Variants in ANKRD30B observed in about 807,000 individuals in gnomAD.
ANKRD30B encodes ankyrin repeat domain 30B, also known as ankyrin repeat domain-containing protein 30B.
A neutral mutation model predicts 202.2 loss-of-function variants in ANKRD30B; 144 were observed. That is an observed-to-expected ratio of 0.71 (90% confidence interval 0.62 to 0.82). ANKRD30B has a LOEUF of 0.82. Ranked by LOEUF, ANKRD30B falls within the 40% of genes least tolerant of loss-of-function variation. ANKRD30B has a pLI of 0.00. For synonymous variants in ANKRD30B, 508 were observed against 561.3 expected (o/e 0.91, Z 1.34); for missense variants, 1,487 against 1,669.1 (o/e 0.89, Z 1.90).
At chr18:14,916,536 C>A in the ANKRD30B span, among the ~76,000 whole-genome samples, 1 of 152,164 alleles carries the variant, frequency 6.6e-6, no homozygotes, top group Non-Finnish European at 1.5e-5. Flanking sequence ...CTCTCTAACC[C>A]TGTATTCCCC....
At chr18:14,879,733 T>C in the ANKRD30B span, among the ~76,000 whole-genome samples, 3 of 146,832 alleles carry the variant, frequency 2.0e-5, no homozygotes, top group African/African-American at 7.6e-5. Context: ...GGGTTAAGGG[T>C]CCAGGGTTAG....
chr18:14,847,092 A>ATGTG (rs1555672681), intron 39 of ANKRD30B, among the ~76,000 whole-genome samples: 1 of 98,670 alleles, frequency 1.0e-5, no homozygotes, highest in African/African-American at 3.8e-5. Flanking sequence ...ATATATATAT[A>ATGTG]TGTATAATGT....
chr18:14,867,378 G>A, the ANKRD30B span, among the ~76,000 whole-genome samples: 1 of 151,566 alleles, frequency 6.6e-6, no homozygotes, highest in African/African-American at 2.4e-5. Context: ...AGGTTGTGGA[G>A]GTGGCCATGA....
At chr18:14,920,452 C>T in the ANKRD30B span, among the ~76,000 whole-genome samples, 1 of 152,114 alleles carries the variant, frequency 6.6e-6, no homozygotes, top group Non-Finnish European at 1.5e-5. Flanking sequence ...ACTATAGTGT[C>T]TAGAAAGACA....
At chr18:14,901,534 G>A in the ANKRD30B span, among the ~76,000 whole-genome samples, 2 of 147,948 alleles carry the variant, frequency 1.4e-5, no homozygotes, top group Non-Finnish European at 3.0e-5. Flanking sequence ...TTTATTTTTT[G>A]CTTTTCAGAG....
intron 18 of ANKRD30B, among the ~76,000 whole-genome samples, chr18:14,796,947 G>A (rs1968942710): frequency 6.6e-6 from 1 of 152,188 alleles, no homozygotes; most frequent in Non-Finnish European, 1.5e-5. Context: ...TTACAATATA[G>A]TGTGTGCATC....
chr18:14,756,969 T>C (rs543231359), intron 4 of ANKRD30B, among the ~76,000 whole-genome samples: 1 of 152,368 alleles, frequency 6.6e-6, no homozygotes, highest in East Asian at 1.9e-4. Flanking sequence ...TTTGCTTTAA[T>C]AAAGTTGTTT....
intron 34 of ANKRD30B, among the ~76,000 whole-genome samples, chr18:14,832,354 A>G (rs1337349043): frequency 1.3e-5 from 2 of 152,198 alleles, no homozygotes; most frequent in Non-Finnish European, 2.9e-5. Context: ...CCAAGTAAAA[A>G]ACCAGTTCTG....
At chr18:14,749,469 C>G (rs924600330) in intron 1 of ANKRD30B, among the ~76,000 whole-genome samples, 17 of 151,918 alleles carry the variant, frequency 1.1e-4, no homozygotes, top group Non-Finnish European at 2.2e-4. Context: ...GTCAGGAGTT[C>G]AAGACCAGCC....
At chr18:14,756,126 G>A (rs1914318259) in intron 4 of ANKRD30B, among the ~76,000 whole-genome samples, 1 of 152,124 alleles carries the variant, frequency 6.6e-6, no homozygotes, top group Non-Finnish European at 1.5e-5. Flanking sequence ...TCTCATTGTG[G>A]TTTTGATTTG....
chr18:14,776,954 T>G (rs886166611), intron 9 of ANKRD30B, among the ~76,000 whole-genome samples: 8 of 152,226 alleles, frequency 5.3e-5, no homozygotes, highest in Non-Finnish European at 1.2e-4. Context: ...CTCTGAAAAT[T>G]CTCTTCATGC....
At chr18:14,759,852 GAA>G (rs1444628466) in intron 5 of ANKRD30B, among the ~76,000 whole-genome samples, 2 of 152,158 alleles carry the variant, frequency 1.3e-5, no homozygotes, top group Non-Finnish European at 2.9e-5. Context: ...ATTAATAACA[GAA>G]AACTGCAACA....
At chr18:14,880,129 G>C in the ANKRD30B span, among the ~76,000 whole-genome samples, 2 of 152,046 alleles carry the variant, frequency 1.3e-5, no homozygotes, top group African/African-American at 4.8e-5. Context: ...ATCATGTGTT[G>C]AAAAGGGTGT....
the ANKRD30B span, among the ~76,000 whole-genome samples, chr18:14,889,734 CTGG>C: frequency 6.7e-6 from 1 of 149,928 alleles, no homozygotes; most frequent in Non-Finnish European, 1.5e-5. Context: ...AATTTTAGAG[CTGG>C]AAGGATCCTT....
intron 34 of ANKRD30B, 61 bp from the exon 35 acceptor site, chr18:14,837,150 A>G: frequency 4.6e-6 from 5 of 1,085,782 alleles, no homozygotes; most frequent in Non-Finnish European, 6.7e-6. Context: ...TGAGTGAATA[A>G]ATACAATTTT....
chr18:14,805,426 A>C (rs1188885589), intron 24 of ANKRD30B, among the ~76,000 whole-genome samples: 3 of 151,050 alleles, frequency 2.0e-5, no homozygotes, highest in Non-Finnish European at 4.4e-5. Context: ...TTCCTCCATC[A>C]GTGGATCAAG....
At chr18:14,787,389 A>G (rs1048660273) in intron 15 of ANKRD30B, among the ~76,000 whole-genome samples, 3 of 152,194 alleles carry the variant, frequency 2.0e-5, no homozygotes, top group African/African-American at 7.2e-5. Context: ...ACGTTTGTCT[A>G]AAAGCAAAAG....
chr18:14,915,990 C>T, the ANKRD30B span, among the ~76,000 whole-genome samples: 2 of 152,334 alleles, frequency 1.3e-5, no homozygotes, highest in South Asian at 4.1e-4. Flanking sequence ...TGAAGGTTAT[C>T]TGCAAACACT....
chr18:14,829,559 C>T (rs1970813955), intron 33 of ANKRD30B, among the ~76,000 whole-genome samples: 1 of 151,926 alleles, frequency 6.6e-6, no homozygotes, highest in Non-Finnish European at 1.5e-5. Context: ...AAGGGTTTTA[C>T]CAAAGAGATC....
Sources: allele counts gnomAD v4.1 joint callset (sites outside exome capture counted in the v4.1 genomes callset), GRCh38; gene constraint gnomAD v4.1.1; transcripts MANE v1.5; gene names NCBI Gene and HGNC (gene_info 2026-07-23, HGNC 2026-07-21).